CSMD1: variants seen among roughly 807,000 people sequenced by gnomAD.
CSMD1 encodes the protein CUB and Sushi multiple domains 1.
Under a neutral mutation model 417.5 loss-of-function variants are expected in CSMD1, and 213 were observed. That is an observed-to-expected ratio of 0.51 (90% confidence interval 0.46 to 0.57). The LOEUF is 0.57. CSMD1 is among the 20% of genes least tolerant of loss of function. The pLI is 0.00. For synonymous variants in CSMD1, 2,862 were observed against 1,736.8 expected (o/e 1.65, Z -16.11); for missense variants, 6,923 against 4,529.7 (o/e 1.53, Z -15.17).
At chr8:4,941,521 G>T (rs1454443914) in intron 1 of CSMD1, among the ~76,000 whole-genome samples, 3 of 152,044 alleles carry the variant, frequency 2.0e-5, no homozygotes, top group African/African-American at 7.2e-5. Context: ...CATGTAACTT[G>T]TTGTGTTTCT....
chr8:4,787,581 A>C lies in CSMD1; in HGVS notation c.86-150023T>G, dbSNP rs1020264251. On this transcript the variant is annotated intron_variant, in intron 1 of 69. Coordinates refer to ENST00000635120, the MANE Select transcript of CSMD1 (RefSeq NM_033225.6). ...GGGGAGACAGCTTTCATTGCACCCC[A>C]GTGCGAAATGATTCCAATTGAATGG... 2.6e-5 allele frequency: 39 copies of C among 1,511,368 alleles called. No homozygotes were observed. In the African/African-American group the frequency reaches 4.2e-4, roughly 16 times the overall value. The allele number at this position is 1,511,368 out of a possible 1,614,324, so 93.6% of individuals were successfully genotyped here.
chr8:4,578,673 G>C (rs1045160559), intron 2 of CSMD1, among the ~76,000 whole-genome samples: 29 of 151,026 alleles, frequency 1.9e-4, no homozygotes, highest in African/African-American at 6.1e-4. Flanking sequence ...AAATTAGCTG[G>C]ACATGGTGGC....
chr8:3,526,658 C>T (rs1172177020), intron 10 of CSMD1, among the ~76,000 whole-genome samples: 2 of 152,170 alleles, frequency 1.3e-5, no homozygotes, highest in African/African-American at 4.8e-5. Context: ...ATATTTTACA[C>T]TATTTGCCCG....
In CSMD1 at chr8:4,628,414, A is replaced by ATG. The variant is rs1346047168; in HGVS notation, c.302+8927_302+8928insCA. ...TATATACACATATATATACACATAT[A>ATG]TATACATATATATACACATATACAC... On this transcript the variant is annotated intron_variant, in intron 2 of 69. Coordinates refer to ENST00000635120, the MANE Select transcript of CSMD1 (RefSeq NM_033225.6). 1.3e-4 allele frequency among the ~76,000 whole-genome samples: 17 copies of ATG among 127,424 alleles called. 1 individual carries two copies. The highest frequency in any genetic ancestry group is 4.4e-4 in the African/African-American group (15 of 34,314). 83.6% of individuals were successfully genotyped at this position (127,424 alleles called of 152,430 possible). A position where few individuals can be genotyped will look rare whatever the true frequency, so the allele number is the denominator to read the frequency against.
chr8:3,713,136 T>G (rs972630918), intron 6 of CSMD1, among the ~76,000 whole-genome samples: 1 of 152,186 alleles, frequency 6.6e-6, no homozygotes, highest in East Asian at 1.9e-4. Flanking sequence ...GAAATATTTT[T>G]AGTTTAAGGG....
chr8:3,351,598 C>CAAAAAAAAAAAAAAA (rs10718608), intron 21 of CSMD1, among the ~76,000 whole-genome samples: 1 of 124,268 alleles, frequency 8.0e-6, no homozygotes, highest in Non-Finnish European at 1.7e-5. Context: ...GACTCTGTTT[C>CAAAAAAAAAAAAAAA]AAAAAAAAAA....
At chr8:4,066,976 T>C (rs898537590) in intron 3 of CSMD1, among the ~76,000 whole-genome samples, 5 of 152,246 alleles carry the variant, frequency 3.3e-5, no homozygotes, top group Non-Finnish European at 7.3e-5. Context: ...AATGAGTATA[T>C]TCTAAAGCAA....
intron 5 of CSMD1, among the ~76,000 whole-genome samples, chr8:3,938,986 G>C (rs1224601241): frequency 2.0e-5 from 3 of 152,210 alleles, no homozygotes; most frequent in South Asian, 2.1e-4. Context: ...TGAGAGTGTG[G>C]AATGGGGTGG....
intron 7 of CSMD1, among the ~76,000 whole-genome samples, chr8:3,647,847 T>C (rs1239203961): frequency 6.6e-6 from 1 of 152,254 alleles, no homozygotes; most frequent in East Asian, 1.9e-4. Context: ...GAAGGCACTT[T>C]GTACCTTTTC....
intron 3 of CSMD1, among the ~76,000 whole-genome samples, chr8:4,254,198 T>A (rs531044713): frequency 6.6e-6 from 1 of 152,198 alleles, no homozygotes; most frequent in South Asian, 2.1e-4. Flanking sequence ...ACTGCAGGTG[T>A]GAGCCACCAC....
intron 3 of CSMD1, among the ~76,000 whole-genome samples, chr8:4,347,139 G>C (rs1403804537): frequency 6.6e-6 from 1 of 152,114 alleles, no homozygotes; most frequent in East Asian, 1.9e-4. Flanking sequence ...AATGATTTTA[G>C]CACTTGGTGT....
chr8:3,562,435 C>CGTGCACATACACACATGCACACACAT (rs1799511493), intron 10 of CSMD1, among the ~76,000 whole-genome samples: 1 of 121,050 alleles, frequency 8.3e-6, no homozygotes, highest in Non-Finnish European at 1.9e-5. Context: ...TGCACACACA[C>CGTGCACATACACACATGCACACACAT]GTGCACATAC....
At chr8:4,340,820 T>C (rs1800432836) in intron 3 of CSMD1, among the ~76,000 whole-genome samples, 1 of 152,100 alleles carries the variant, frequency 6.6e-6, no homozygotes, top group Admixed American at 6.6e-5. Flanking sequence ...CTTACCCACT[T>C]CTAGAATCTC....
At chr8:3,970,201 T>C (rs183465183) in intron 5 of CSMD1, among the ~76,000 whole-genome samples, 226 of 152,250 alleles carry the variant, frequency 1.5e-3, no homozygotes, top group African/African-American at 5.0e-3. Flanking sequence ...GGACTTTCTT[T>C]TACAAACTAA....
intron 2 of CSMD1, among the ~76,000 whole-genome samples, chr8:4,516,006 G>A (rs1803099271): frequency 6.6e-6 from 1 of 152,104 alleles, no homozygotes; most frequent in Non-Finnish European, 1.5e-5. Context: ...ATAAGACTTT[G>A]GAGTTGTAAG....
intron 26 of CSMD1, among the ~76,000 whole-genome samples, chr8:3,266,377 G>A (rs577883931): frequency 1.2e-4 from 18 of 151,454 alleles, no homozygotes; most frequent in South Asian, 2.1e-4. Flanking sequence ...AGGCTGAGGC[G>A]GGTGGATCAC....
intron 3 of CSMD1, among the ~76,000 whole-genome samples, chr8:4,347,596 A>G (rs1180038479): frequency 6.6e-6 from 1 of 152,192 alleles, no homozygotes; most frequent in Non-Finnish European, 1.5e-5. Flanking sequence ...GAGAATGTAG[A>G]TATTGGCCAT....
intron 7 of CSMD1, among the ~76,000 whole-genome samples, chr8:3,692,273 C>T (rs560714212): frequency 6.6e-6 from 1 of 152,148 alleles, no homozygotes; most frequent in Non-Finnish European, 1.5e-5. Flanking sequence ...ATTTCACCAG[C>T]ACCACCACAA....
chr8:4,219,092 C>G (rs1224198522), intron 3 of CSMD1, among the ~76,000 whole-genome samples: 2 of 152,178 alleles, frequency 1.3e-5, no homozygotes, highest in African/African-American at 4.8e-5. Context: ...TCCTGTTCCT[C>G]TAACACCCAG....
Sources: gnomAD v4.1 joint callset for allele counts (sites outside exome capture counted in the v4.1 genomes callset) on GRCh38, gnomAD v4.1.1 for gene constraint, MANE v1.5 for transcripts, NCBI Gene and HGNC (gene_info 2026-07-23, HGNC 2026-07-21) for gene names.